GPR179: variants seen among roughly 807,000 people sequenced by gnomAD.
GPR179 encodes the protein G protein-coupled receptor 179, also known as probable G protein-coupled receptor 179.
In GPR179, 52 loss-of-function variants were observed where a neutral mutation model predicts 70.8. The observed-to-expected ratio is 0.73, with a 90% CI of 0.59 to 0.93. GPR179 has a LOEUF of 0.93. Ranked by LOEUF, GPR179 falls within the 40% of genes least tolerant of loss-of-function variation. GPR179 has a pLI of 0.00. For synonymous variants in GPR179, 1,123 were observed against 1,169.0 expected, an observed-to-expected ratio of 0.96 and a Z score of 0.80; for missense variants, 2,734 against 2,966.8, an observed-to-expected ratio of 0.92 and a Z score of 1.82.
At chr17:38,336,701 C>T (rs1208590695) in intron 4 of GPR179, among the ~76,000 whole-genome samples, 1 of 152,226 alleles carries the variant, frequency 6.6e-6, no homozygotes, top group Admixed American at 6.5e-5. Context: ...AAACTGGGAA[C>T]TCCATGCAGG....
chr17:38,334,100 T>C lies in GPR179; in HGVS notation c.1785-62A>G. 1 of 1,189,970 alleles carries C rather than the reference T, an allele frequency of 8.4e-7. No individual in the cohort carries two copies. Among genetic ancestry groups the C allele is most frequent in the Non-Finnish European group, 1.3e-6 (1 of 795,300 alleles). 73.7% of individuals were successfully genotyped at this position (1,189,970 alleles called of 1,614,324 possible). On this transcript the variant is annotated intron_variant, in intron 8 of 10. Transcript: ENST00000616987. The surrounding 1 kb of genome is among the most constrained non-coding windows in gnomAD (Gnocchi z 4.7). ...CAGGAGTTGCCTCTTCTGCTTTGCC[T>C]TCTCACTGGCGTTTCACCTCAGCCC...
In GPR179 at chr17:38,329,032, T is replaced by C; in HGVS notation, c.4537A>G (p.Ser1513Gly). ...QEKEKASRKG[S>G]FGEMGEQTVK... ...GTTTGTTCCCCCATCTCTCCAAAGC[T>C]TCCTTTTCTGGAGGCTTTTTCCTTT... is the stretch of plus-strand genomic sequence containing the variant. The change falls in exon 11 of 11, where the codon AGC (serine) becomes GGC (glycine). Residue 1513 changes from serine (S) to glycine (G), a missense_variant. Transcript: ENST00000616987. 1 of 1,614,132 alleles carries C rather than the reference T, an allele frequency of 6.2e-7. No homozygotes were observed. The highest frequency in any genetic ancestry group is 1.7e-5 in the Admixed American group (1 of 60,018).
rs766355557 is a variant in GPR179 at position 38,326,511 on chromosome 17, T to C, written c.7058A>G (p.Tyr2353Cys). The C allele has an allele frequency of 3.7e-6, 6 of 1,613,686 alleles. No homozygotes were observed. In the African/African-American group the frequency reaches 8.0e-5, roughly 22 times the overall value. ...DSGQVAFEAQYEEFTPPTVYP... is the reference protein window; with the variant it reads ...DSGQVAFEAQCEEFTPPTVYP... ...GACAGTGGGAGGGGTGAATTCTTCA[T>C]ACTGAGCTTCAAAAGCCACTTGGCC... Residue 2353 changes from tyrosine to cysteine, a missense_variant, in exon 11 of 11, where the codon TAT becomes TGT. Tyr to Cys is a radical substitution (Grantham distance 194). Coordinates refer to ENST00000616987, the MANE Select transcript of GPR179 (RefSeq NM_001004334.4).
chr17:38,338,642 G>A (rs541364970), intron 2 of GPR179, among the ~76,000 whole-genome samples: 12 of 152,318 alleles, frequency 7.9e-5, no homozygotes, highest in African/African-American at 2.9e-4. Context: ...AGACACATGT[G>A]CCCTGAAGAG....
chr17:38,328,812 G>A lies in GPR179; in HGVS notation c.4757C>T (p.Thr1586Ile), dbSNP rs1393294144. 1.2e-6 allele frequency: 2 copies of A among 1,613,772 alleles called. No individual in the cohort carries two copies. Among genetic ancestry groups the A allele is most frequent in the Non-Finnish European group, 1.7e-6 (2 of 1,179,974 alleles). ...EDLRPEAQEA[T>I]PAKTEICPWE... ...GGGACAGATTTCTGTTTTGGCAGGT[G>A]TTGCTTCCTGTGCCTCCGGCCTGAG... is the stretch of plus-strand genomic sequence containing the variant. Residue 1586 changes from threonine to isoleucine, a missense_variant, in exon 11 of 11, where the codon ACA (threonine) becomes ATA (isoleucine). Coordinates refer to ENST00000616987, the MANE Select transcript of GPR179 (RefSeq NM_001004334.4).
intron 3 of GPR179, 84 bp downstream of exon 3, chr17:38,337,549 C>T: frequency 8.3e-7 from 1 of 1,205,514 alleles, no homozygotes; most frequent in Non-Finnish European, 1.2e-6. Context: ...TGTCTCACCC[C>T]AATCTGGCTT....
intron 1 of GPR179, among the ~76,000 whole-genome samples, chr17:38,340,492 G>C (rs2037440224): frequency 6.6e-6 from 1 of 152,152 alleles, no homozygotes; most frequent in South Asian, 2.1e-4. Flanking sequence ...ATATTGTTCA[G>C]GCTGGTCTTG....
At position 38,329,900 on chromosome 17, in the gene GPR179, C is replaced by T. The variant is rs771762076; in HGVS notation, c.3669G>A (p.Gln1223=). The change falls in exon 11 of 11, where the codon CAG becomes CAA. Residue 1223 remains glutamine, a synonymous_variant. Transcript: ENST00000616987. The part of the protein sequence containing the change: ...KQSKETPVGW[Q]ELPKAGLQSL... Reference sequence around the variant, plus strand: ...ACTGGAGGCCAGCTTTGGGCAGTTCCTGCCACCCGACAGGGGTTTCTTTTG... The same window carrying T: ...ACTGGAGGCCAGCTTTGGGCAGTTCTTGCCACCCGACAGGGGTTTCTTTTG... 13 of 1,614,116 alleles carry T rather than the reference C, an allele frequency of 8.1e-6. No individual in the cohort carries two copies. Among genetic ancestry groups the T allele is most frequent in the African/African-American group, 2.7e-5 (2 of 74,938 alleles).
intron 2 of GPR179, among the ~76,000 whole-genome samples, chr17:38,338,023 C>T (rs1185287772): frequency 3.9e-5 from 6 of 152,244 alleles, no homozygotes; most frequent in Non-Finnish European, 7.3e-5. Flanking sequence ...TAGTGGCCAG[C>T]TCTTGCTAGG....
chr17:38,331,280 C>T lies in GPR179; in HGVS notation c.2289G>A (p.Glu763=), dbSNP rs1255980779. The T allele has an allele frequency of 1.9e-6, 3 of 1,595,404 alleles. No individual in the cohort carries two copies. Among genetic ancestry groups the T allele is most frequent in the Middle Eastern group, 1.9e-4 (1 of 5,234 alleles). The change falls in exon 11 of 11, where the codon GAG becomes GAA. Residue 763 remains glutamate (E), a synonymous_variant. Transcript: ENST00000616987. ...GGGACTTGTGCAGAGCTGGTGTCCC[C>T]TCGGGTTCCTGGAGGCTGGAGCTGA... is the stretch of plus-strand genomic sequence containing the variant. ...RLLSSSLQEP[E]GTPALHKSRS...
At position 38,343,531 on chromosome 17, in the gene GPR179, C is replaced by A; in HGVS notation, c.259G>T (p.Ala87Ser). The change falls in exon 1 of 11, where the codon GCC becomes TCC. Residue 87 changes from alanine to serine, a missense_variant. Physicochemically the swap from Ala to Ser is moderately conservative, Grantham distance 99 (BLOSUM62 1). Transcript: ENST00000616987. The surrounding 1 kb of genome is among the most constrained non-coding windows in gnomAD (Gnocchi z 4.2). Reference sequence around the variant, plus strand: ...AGGCTTGGGGGGAGCCCTGGCATGGCTCCTGCCCCACGCGCTTCATAGCGC... The same window carrying A: ...AGGCTTGGGGGGAGCCCTGGCATGGATCCTGCCCCACGCGCTTCATAGCGC... ...SERYEARGAG[A>S]MPGLPPSLQG... is the part of the protein sequence containing the mutation. The A allele has an allele frequency of 6.2e-7, 1 of 1,613,788 alleles. No individual in the cohort carries two copies. Among genetic ancestry groups the A allele is most frequent in the Non-Finnish European group, 8.5e-7 (1 of 1,180,008 alleles).
chr17:38,339,575 G>C (rs376624450), intron 1 of GPR179, 50 bp from the exon 2 acceptor site: 2 of 1,317,956 alleles, frequency 1.5e-6, no homozygotes. Flanking sequence ...TGCCAAAGTG[G>C]ACGTGTGTCC....
chr17:38,326,448 C>G lies in GPR179; in HGVS notation c.*17G>C, dbSNP rs770311999. 4.5e-6 allele frequency: 7 copies of G among 1,564,748 alleles called. No homozygotes were observed. Among genetic ancestry groups the G allele is most frequent in the Non-Finnish European group, 6.1e-6 (7 of 1,148,290 alleles). Reference sequence around the variant, plus strand: ...CCTGAAAGCTAGCTCTGTGTTTGACCTCACCTAATAAGGCTGTTACTCCCA... The same window carrying G: ...CCTGAAAGCTAGCTCTGTGTTTGACGTCACCTAATAAGGCTGTTACTCCCA... On this transcript the variant is annotated 3_prime_UTR_variant, in exon 11 of 11. Transcript: ENST00000616987.
In GPR179 at chr17:38,330,534, G is replaced by A. The variant is rs749686166; in HGVS notation, c.3035C>T (p.Pro1012Leu). The change falls in exon 11 of 11, where the codon CCC becomes CTC. Residue 1012 changes from proline (P) to leucine (L), a missense_variant. Physicochemically the swap from Pro to Leu is moderately conservative, Grantham distance 98 (BLOSUM62 -3). Coordinates refer to ENST00000616987, the MANE Select transcript of GPR179 (RefSeq NM_001004334.4). ...AKQENVPQEG[P>L]SGPERGHHSP... is the part of the protein sequence containing the mutation. ...GTGGTGGCCTCGCTCTGGCCCTGAG[G>A]GGCCTTCCTGGGGCACATTTTCTTG... 1 of 1,564,976 alleles carries A rather than the reference G, an allele frequency of 6.4e-7. No individual in the cohort carries two copies. Among genetic ancestry groups the A allele is most frequent in the African/African-American group, 1.4e-5 (1 of 73,626 alleles).
Position 38,327,539 on chromosome 17 carries a change from A to C in GPR179, c.6030T>G (p.Ser2010=). ...AGGTCTCAGCCTTGGCACTGCTGTC[A>C]GATTTATACACACCTGCATCAGGAA... ...WDVPDAGVYK[S]DSSAKAETCP... is the part of the protein sequence containing the mutation. Residue 2010 remains serine (S), a synonymous_variant, in exon 11 of 11, where the codon TCT becomes TCG. Coordinates refer to ENST00000616987, the MANE Select transcript of GPR179 (RefSeq NM_001004334.4). 6.2e-7 allele frequency: 1 copy of C among 1,614,114 alleles called. No homozygotes were observed. The highest frequency in any genetic ancestry group is 1.1e-5 in the South Asian group (1 of 91,074).
chr17:38,327,535 T>C lies in GPR179; in HGVS notation c.6034A>G (p.Ser2012Gly). Residue 2012 changes from serine (S) to glycine (G), a missense_variant, in exon 11 of 11, where the codon AGC (serine) becomes GGC (glycine). Coordinates refer to ENST00000616987, the MANE Select transcript of GPR179 (RefSeq NM_001004334.4). ...VPDAGVYKSD[S>G]SAKAETCPWE... is the part of the protein sequence containing the mutation. ...GGACAGGTCTCAGCCTTGGCACTGCTGTCAGATTTATACACACCTGCATCA... is the reference window on the plus strand; with the variant it reads ...GGACAGGTCTCAGCCTTGGCACTGCCGTCAGATTTATACACACCTGCATCA... 1 of 1,614,182 alleles carries C rather than the reference T, an allele frequency of 6.2e-7. No homozygotes were observed. The highest frequency in any genetic ancestry group is 8.5e-7 in the Non-Finnish European group (1 of 1,180,038).
Position 38,342,989 on chromosome 17 carries a change from C to T in GPR179, c.794+7G>A. On this transcript the variant is annotated splice_region_variant and intron_variant, in intron 1 of 10. Coordinates refer to ENST00000616987, the MANE Select transcript of GPR179 (RefSeq NM_001004334.4). ...ACATGCATCAAATCCTGCACAAACC[C>T]ACTTACCTGACTTCTGGGCTGAGGT... 1.3e-6 allele frequency: 2 copies of T among 1,589,422 alleles called. No individual in the cohort carries two copies. The highest frequency in any genetic ancestry group is 1.7e-6 in the Non-Finnish European group (2 of 1,166,940).
rs936664102 is a variant in GPR179, at chr17:38,324,848, T to A, written c.*1617A>T. 1.3e-4 allele frequency among the ~76,000 whole-genome samples: 20 copies of A among 152,370 alleles called. No individual in the cohort carries two copies. In the East Asian group the frequency reaches 3.9e-3, roughly 29 times the overall value. On this transcript the variant is annotated 3_prime_UTR_variant, in exon 11 of 11. Transcript: ENST00000616987. ...TGGTCCCCAAAGGAGAGTAGGTTAC[T>A]CCATTCCTCTGTTCCCTTTTGGAAA...
At position 38,329,590 on chromosome 17, in the gene GPR179, C is replaced by A. The variant is rs112195635; in HGVS notation, c.3979G>T (p.Asp1327Tyr). Reference protein sequence around the residue: ...QEAVCPWESADRGGLSPGSAP... With the variant: ...QEAVCPWESAYRGGLSPGSAP... Reference sequence around the variant, plus strand: ...GACCCAGGGGACAGACCTCCTCGATCGGCACTCTCCCAGGGACACACTGCT... The same window carrying A: ...GACCCAGGGGACAGACCTCCTCGATAGGCACTCTCCCAGGGACACACTGCT... Residue 1327 changes from aspartate (D) to tyrosine (Y), a missense_variant, in exon 11 of 11, where the codon GAT becomes TAT. Asp to Tyr is a radical substitution (Grantham distance 160). Transcript: ENST00000616987. 4 of 1,613,876 alleles carry A rather than the reference C, an allele frequency of 2.5e-6. No individual in the cohort carries two copies. The highest frequency in any genetic ancestry group is 3.4e-6 in the Non-Finnish European group (4 of 1,180,048).
Sources: allele counts gnomAD v4.1 joint callset (sites outside exome capture counted in the v4.1 genomes callset), GRCh38; gene constraint gnomAD v4.1.1; non-coding constraint Gnocchi (gnomAD v3.1); transcripts MANE v1.5; gene names NCBI Gene and HGNC (gene_info 2026-07-23, HGNC 2026-07-21).